Variants in IL1RAPL2 observed in about 807,000 individuals in gnomAD.
IL1RAPL2 encodes the protein interleukin 1 receptor accessory protein like 2.
Under a neutral mutation model 44.1 loss-of-function variants are expected in IL1RAPL2, and 3 were observed. The observed-to-expected ratio is 0.07, with a 90% CI of 0.03 to 0.18. The LOEUF is 0.18. IL1RAPL2 is among the 10% of genes least tolerant of loss of function. IL1RAPL2 has a pLI of 1.00. For synonymous variants in IL1RAPL2, 181 were observed against 178.8 expected (o/e 1.01, Z -0.10); for missense variants, 391 against 496.4 (o/e 0.79, Z 2.02).
In IL1RAPL2 at chrX:105,412,996, T is replaced by G. The variant is rs887460726; in HGVS notation, c.698-71317T>G. Reference sequence around the variant, plus strand: ...TTTTTAAAATTATTTTTCTTTCCAATTTTCTATCTATATCTCTACATAGAT... The same window carrying G: ...TTTTTAAAATTATTTTTCTTTCCAAGTTTCTATCTATATCTCTACATAGAT... On this transcript the variant is annotated intron_variant, in intron 5 of 10. Transcript: ENST00000372582. 8.1e-5 allele frequency among the ~76,000 whole-genome samples: 9 copies of G among 111,740 alleles called. No homozygotes were observed. The East Asian group carries it at 2.0e-3, about 24-fold the overall frequency.
chrX:104,675,475 A>G (rs1400626369), intron 2 of IL1RAPL2, among the ~76,000 whole-genome samples: 5 of 111,064 alleles, frequency 4.5e-5, no homozygotes, highest in Non-Finnish European at 9.4e-5. Context: ...AGTTTGTTAT[A>G]ATTTCTGTTC....
intron 2 of IL1RAPL2, among the ~76,000 whole-genome samples, chrX:104,662,406 T>G (rs1403572637): frequency 2.7e-5 from 3 of 112,108 alleles, no homozygotes; most frequent in African/African-American, 9.7e-5. Flanking sequence ...TTTGGTCTTC[T>G]TCACATAACA....
chrX:104,863,421 C>T (rs1410229787), intron 2 of IL1RAPL2, among the ~76,000 whole-genome samples: 3 of 112,166 alleles, frequency 2.7e-5, no homozygotes, highest in Non-Finnish European at 3.8e-5. Flanking sequence ...GTTATATCTG[C>T]TATGTAACAT....
At chrX:105,003,303 C>A (rs1217687308) in intron 2 of IL1RAPL2, among the ~76,000 whole-genome samples, 5 of 110,925 alleles carry the variant, frequency 4.5e-5, no homozygotes, top group African/African-American at 1.6e-4. Context: ...ATAGAATTGA[C>A]AAAAATTTTG....
At chrX:105,323,851 G>A (rs2034914661) in intron 5 of IL1RAPL2, among the ~76,000 whole-genome samples, 1 of 107,359 alleles carries the variant, frequency 9.3e-6, no homozygotes, top group African/African-American at 3.6e-5. Context: ...ACTCCAGTCT[G>A]GGCAACAGAG....
At chrX:105,090,268 C>T (rs899076336) in intron 2 of IL1RAPL2, among the ~76,000 whole-genome samples, 2 of 111,545 alleles carry the variant, frequency 1.8e-5, no homozygotes, top group African/African-American at 6.5e-5. Flanking sequence ...ATTCAAGTCC[C>T]ACAGTCACTG....
At chrX:105,747,567 T>C (rs2038560361) in intron 8 of IL1RAPL2, among the ~76,000 whole-genome samples, 1 of 101,815 alleles carries the variant, frequency 9.8e-6, no homozygotes, top group South Asian at 4.6e-4. Flanking sequence ...TACACACATA[T>C]ATACACACAT....
At position 104,855,681 on chromosome X, in the gene IL1RAPL2, G is replaced by GTT. The variant is rs1556002120; in HGVS notation, c.82+196702_82+196703dup. 1.7e-3 allele frequency among the ~76,000 whole-genome samples: 91 copies of GTT among 53,858 alleles called. 7 individuals are homozygous for GTT. Among genetic ancestry groups the GTT allele is most frequent in the African/African-American group, 4.7e-3 (77 of 16,525 alleles). 46.8% of individuals were successfully genotyped at this position (53,858 alleles called of 115,157 possible). Reference sequence around the variant, plus strand: ...TTAACTGTGCTAAGGATCTGGATCCGTTTTTTTTTTTTTTTTTACTGTATC... The same window carrying GTT: ...TTAACTGTGCTAAGGATCTGGATCCGTTTTTTTTTTTTTTTTTTTACTGTATC... On this transcript the variant is annotated intron_variant, in intron 2 of 10. Transcript: ENST00000372582.
intron 6 of IL1RAPL2, among the ~76,000 whole-genome samples, chrX:105,674,633 G>A (rs1407071235): frequency 8.9e-6 from 1 of 111,795 alleles, no homozygotes; most frequent in African/African-American, 3.3e-5. Flanking sequence ...GCTTGGGATT[G>A]TCATGGCTAT....
intron 2 of IL1RAPL2, among the ~76,000 whole-genome samples, chrX:104,882,752 C>T (rs779005242): frequency 8.9e-6 from 1 of 111,775 alleles, no homozygotes; most frequent in African/African-American, 3.2e-5. Flanking sequence ...GCTGTAGAAG[C>T]TTTGTTCTTT....
intron 2 of IL1RAPL2, among the ~76,000 whole-genome samples, chrX:104,948,614 GT>G (rs1254948272): frequency 9.0e-6 from 1 of 111,142 alleles, no homozygotes; most frequent in Non-Finnish European, 1.9e-5. Context: ...TTTCTTGAGA[GT>G]TTTTAGCATG....
intron 2 of IL1RAPL2, among the ~76,000 whole-genome samples, chrX:105,104,847 T>C (rs1407546520): frequency 8.9e-6 from 1 of 112,064 alleles, no homozygotes; most frequent in African/African-American, 3.2e-5. Context: ...AAAATAGACA[T>C]TGCACAAGGA....
chrX:105,640,654 G>GTATATATATATA (rs768814568), intron 6 of IL1RAPL2, among the ~76,000 whole-genome samples: 1 of 59,475 alleles, frequency 1.7e-5, no homozygotes, highest in Non-Finnish European at 3.3e-5. Flanking sequence ...GTATGTGTGT[G>GTATATATATATA]TATATATATA....
intron 5 of IL1RAPL2, among the ~76,000 whole-genome samples, chrX:105,452,558 A>C (rs745731305): frequency 8.9e-6 from 1 of 111,751 alleles, no homozygotes; most frequent in African/African-American, 3.3e-5. Flanking sequence ...TACTTGTGGG[A>C]ATGACCTGGT....
At chrX:104,581,719 A>C (rs933366962) in intron 1 of IL1RAPL2, among the ~76,000 whole-genome samples, 1 of 111,209 alleles carries the variant, frequency 9.0e-6, no homozygotes, top group African/African-American at 3.3e-5. Flanking sequence ...TAAGAACCCG[A>C]TAGGCTTCAT....
intron 6 of IL1RAPL2, among the ~76,000 whole-genome samples, chrX:105,518,553 T>C (rs184375540): frequency 9.0e-6 from 1 of 111,604 alleles, no homozygotes; most frequent in African/African-American, 3.2e-5. Context: ...TCAGCTAGTA[T>C]CCCATTAGAC....
intron 2 of IL1RAPL2, among the ~76,000 whole-genome samples, chrX:104,663,101 C>T (rs944967738): frequency 1.3e-4 from 14 of 111,777 alleles, no homozygotes; most frequent in African/African-American, 3.2e-4. Flanking sequence ...CTCAGTTCCA[C>T]GTAATGAGAG....
intron 5 of IL1RAPL2, among the ~76,000 whole-genome samples, chrX:105,339,612 C>G (rs1172123419): frequency 1.8e-5 from 2 of 111,272 alleles, no homozygotes; most frequent in East Asian, 5.7e-4. Context: ...TTAGGAGGCC[C>G]TTATGCTTAT....
intron 5 of IL1RAPL2, among the ~76,000 whole-genome samples, chrX:105,448,925 A>G (rs2035997268): frequency 9.0e-6 from 1 of 111,330 alleles, no homozygotes; most frequent in African/African-American, 3.3e-5. Flanking sequence ...TGTTAAATTT[A>G]TCTGATAGAA....
Sources: gnomAD v4.1 joint callset for allele counts (sites outside exome capture counted in the v4.1 genomes callset) on GRCh38, gnomAD v4.1.1 for gene constraint, MANE v1.5 for transcripts, NCBI Gene and HGNC (gene_info 2026-07-23, HGNC 2026-07-21) for gene names.